NUCKS1: variants seen among roughly 807,000 people sequenced by gnomAD.
The protein encoded by NUCKS1 is nuclear casein kinase and cyclin dependent kinase substrate 1.
A neutral mutation model predicts 33.0 loss-of-function variants in NUCKS1; 2 were observed. The observed-to-expected ratio is 0.06, with a 90% confidence interval of 0.02 to 0.19. The LOEUF (loss-of-function observed/expected upper bound fraction) is 0.19, where lower values mean the gene tolerates loss of function less well. Ranked by LOEUF, NUCKS1 falls within the 10% of genes least tolerant of loss-of-function variation. NUCKS1 has a pLI of 1.00. For synonymous variants in NUCKS1, 106 were observed against 102.8 expected (o/e 1.03, Z -0.19); for missense variants, 201 against 293.6 (o/e 0.68, Z 2.31).
intron 1 of NUCKS1, among the ~76,000 whole-genome samples, chr1:205,735,006 CT>C (rs1264712912): frequency 6.6e-6 from 1 of 152,132 alleles, no homozygotes; most frequent in African/African-American, 2.4e-5. Context: ...CTTGCTTTGT[CT>C]GGGGTTGAAA....
chr1:205,748,552 A>G (rs976194857), intron 1 of NUCKS1, among the ~76,000 whole-genome samples: 1 of 152,230 alleles, frequency 6.6e-6, no homozygotes, highest in African/African-American at 2.4e-5. Flanking sequence ...TAACTTTCAG[A>G]GTAGAGATCG....
At chr1:205,721,767 C>T (rs1671921759) in intron 4 of NUCKS1, among the ~76,000 whole-genome samples, 1 of 151,950 alleles carries the variant, frequency 6.6e-6, no homozygotes, top group Admixed American at 6.6e-5. Context: ...CCTCACCTCC[C>T]AGGTTCAAGC....
chr1:205,749,514 G>A (rs941765080), intron 1 of NUCKS1, among the ~76,000 whole-genome samples: 10 of 151,690 alleles, frequency 6.6e-5, no homozygotes, highest in Non-Finnish European at 5.9e-5. Context: ...GCTGGGGGAA[G>A]GGGCAATACG....
intron 1 of NUCKS1, among the ~76,000 whole-genome samples, chr1:205,748,962 T>C (rs1043934790): frequency 2.6e-5 from 4 of 152,098 alleles, no homozygotes; most frequent in South Asian, 4.1e-4. Flanking sequence ...TTCCATACAA[T>C]AGCCTGGAGA....
intron 1 of NUCKS1, among the ~76,000 whole-genome samples, chr1:205,744,663 G>A (rs1033803066): frequency 4.5e-5 from 5 of 111,948 alleles, no homozygotes; most frequent in African/African-American, 6.4e-5. Flanking sequence ...ACGGAGTTTC[G>A]CCCTTGTTGC....
At chr1:205,734,000 G>T (rs1055902351) in intron 1 of NUCKS1, among the ~76,000 whole-genome samples, 4 of 151,994 alleles carry the variant, frequency 2.6e-5, no homozygotes, top group African/African-American at 7.3e-5. Flanking sequence ...TTAGCTTGTG[G>T]AACTACAGAA....
rs1262331041 is a variant in NUCKS1, at chr1:205,741,326, AAAAG to A, written c.17+8627_17+8630del. Reference sequence around the variant, plus strand: ...AAAAAAAAAAAAAAAAAAAGAAAAGAAAAGAAAGAAAAAGTCACATACAAATTTC... The same window carrying A: ...AAAAAAAAAAAAAAAAAAAGAAAAGAAAAGAAAAAGTCACATACAAATTTC... On this transcript the variant is annotated intron_variant, in intron 1 of 6. Transcript: ENST00000367142. Among the ~76,000 whole-genome samples, 310 of 151,516 alleles carry A rather than the reference AAAAG, an allele frequency of 2.0e-3. 2 individuals carry two copies. The highest frequency in any genetic ancestry group is 7.1e-3 in the African/African-American group (293 of 41,334).
chr1:205,719,488 T>C, intron 6 of NUCKS1, 39 bp downstream of exon 6: 1 of 1,566,414 alleles, frequency 6.4e-7, no homozygotes, highest in Non-Finnish European at 8.6e-7. Flanking sequence ...CTCAAAATTT[T>C]TAAAGCAGTA....
intron 1 of NUCKS1, among the ~76,000 whole-genome samples, chr1:205,739,483 CTTTT>C (rs1009744086): frequency 8.0e-5 from 12 of 150,656 alleles, no homozygotes; most frequent in African/African-American, 2.7e-4. Context: ...TTTTTTTTTT[CTTTT>C]TTTGAGACGG....
intron 1 of NUCKS1, among the ~76,000 whole-genome samples, chr1:205,746,694 G>A (rs1337655612): frequency 6.6e-6 from 1 of 152,158 alleles, no homozygotes; most frequent in Non-Finnish European, 1.5e-5. Flanking sequence ...TCTTTGAAAA[G>A]AAAGCAAACT....
chr1:205,721,618 T>TTAC (rs1436435197), intron 4 of NUCKS1, among the ~76,000 whole-genome samples: 1 of 152,152 alleles, frequency 6.6e-6, no homozygotes, highest in Non-Finnish European at 1.5e-5. Context: ...TGTCAAACTG[T>TTAC]TACCCTTTAC....
At chr1:205,736,699 T>C (rs1654042909) in intron 1 of NUCKS1, among the ~76,000 whole-genome samples, 1 of 151,938 alleles carries the variant, frequency 6.6e-6, no homozygotes, top group African/African-American at 2.4e-5. Flanking sequence ...GGCGTGGTTG[T>C]AGGCGCCTGT....
At chr1:205,719,482 A>G (rs769620646) in intron 6 of NUCKS1, 45 bp downstream of exon 6, 1 of 1,558,558 alleles carries the variant, frequency 6.4e-7, no homozygotes, top group Non-Finnish European at 8.7e-7. Flanking sequence ...ATGATTCTCA[A>G]AATTTTTAAA....
chr1:205,735,276 T>C (rs1331733381), intron 1 of NUCKS1, among the ~76,000 whole-genome samples: 1 of 152,238 alleles, frequency 6.6e-6, no homozygotes, highest in Non-Finnish European at 1.5e-5. Context: ...ACCATTGTGT[T>C]ACAATTGCTT....
intron 1 of NUCKS1, among the ~76,000 whole-genome samples, chr1:205,746,799 C>G (rs910994632): frequency 1.3e-5 from 2 of 152,172 alleles, no homozygotes; most frequent in Admixed American, 1.3e-4. Flanking sequence ...CTTATGTTTT[C>G]ACATCTAAAT....
intron 1 of NUCKS1, among the ~76,000 whole-genome samples, chr1:205,736,042 C>T (rs1654026250): frequency 6.6e-6 from 1 of 151,896 alleles, no homozygotes; most frequent in African/African-American, 2.4e-5. Flanking sequence ...GCCTCAAACT[C>T]CTGGACTCAA....
intron 1 of NUCKS1, among the ~76,000 whole-genome samples, chr1:205,733,520 T>C (rs1009404673): frequency 1.3e-5 from 2 of 152,168 alleles, no homozygotes; most frequent in Admixed American, 1.3e-4. Flanking sequence ...AAGAAAATCA[T>C]GTAATTTCTC....
chr1:205,748,886 G>C (rs918663485), intron 1 of NUCKS1, among the ~76,000 whole-genome samples: 1 of 152,136 alleles, frequency 6.6e-6, no homozygotes, highest in African/African-American at 2.4e-5. Context: ...ATATTTATTT[G>C]CAACAGCTCT....
At position 205,744,007 on chromosome 1, in the gene NUCKS1, T is replaced by TCTC. The variant is rs1214957595; in HGVS notation, c.17+5947_17+5949dup. On this transcript the variant is annotated intron_variant, in intron 1 of 6. Transcript: ENST00000367142. ...TAAACTTAAAACAATGCCACCTTTTTCTCGGCAAAGGTTCACACTAAATAC... is the reference window on the plus strand; with the variant it reads ...TAAACTTAAAACAATGCCACCTTTTTCTCCTCGGCAAAGGTTCACACTAAATAC... Among the ~76,000 whole-genome samples, 8 of 152,326 alleles carry TCTC rather than the reference T, an allele frequency of 5.3e-5. No individual in the cohort carries two copies. In the East Asian group the frequency reaches 1.3e-3, roughly 26 times the overall value.
Sources: gnomAD v4.1 joint callset for allele counts (sites outside exome capture counted in the v4.1 genomes callset) on GRCh38, gnomAD v4.1.1 for gene constraint, MANE v1.5 for transcripts, NCBI Gene and HGNC (gene_info 2026-07-23, HGNC 2026-07-21) for gene names.